Variants in CCSER1 observed in about 807,000 individuals in gnomAD.
CCSER1 encodes the protein serine-rich coiled-coil domain-containing protein 1.
In CCSER1, 41 loss-of-function variants were observed where a neutral mutation model predicts 82.0. The observed-to-expected ratio is 0.50, with a 90% CI of 0.39 to 0.65. CCSER1 has a LOEUF of 0.65. Ranked by LOEUF, CCSER1 falls within the 30% of genes least tolerant of loss-of-function variation. The pLI, the probability that CCSER1 is intolerant of heterozygous loss-of-function variation, is 0.00. For missense variants in CCSER1, 1,119 were observed against 1,064.2 expected, an observed-to-expected ratio of 1.05 and a Z score of -0.72; for synonymous variants, 414 against 383.9, an observed-to-expected ratio of 1.08 and a Z score of -0.92.
Position 90,604,940 on chromosome 4 carries a change from T to TG in CCSER1, c.1725-23081dup, listed in dbSNP as rs564437709. Among the ~76,000 whole-genome samples, 8 of 152,296 alleles carry TG rather than the reference T, an allele frequency of 5.3e-5. No homozygotes were observed. The South Asian group carries it at 6.2e-4, about 12-fold the overall frequency. On this transcript the variant is annotated intron_variant, in intron 5 of 10. Coordinates refer to ENST00000509176, the MANE Select transcript of CCSER1 (RefSeq NM_001145065.2). ...AATGGACCAATCAGCAGGATGTGGA[T>TG]GGGGTCAGATAAGGGAATAAAAGCA...
At chr4:91,185,181 G>A (rs542786209) in intron 10 of CCSER1, among the ~76,000 whole-genome samples, 43 of 152,306 alleles carry the variant, frequency 2.8e-4, no homozygotes, top group African/African-American at 9.6e-4. Flanking sequence ...TACCCAATAA[G>A]CTGCTTTGCC....
intron 8 of CCSER1, among the ~76,000 whole-genome samples, chr4:90,832,860 T>G (rs1326112642): frequency 6.6e-6 from 1 of 152,192 alleles, no homozygotes; most frequent in Non-Finnish European, 1.5e-5. Flanking sequence ...TAAGCTTACT[T>G]TTGTAAAGAA....
intron 7 of CCSER1, among the ~76,000 whole-genome samples, chr4:90,794,551 T>G (rs1039207804): frequency 2.6e-5 from 4 of 152,192 alleles, no homozygotes; most frequent in African/African-American, 9.7e-5. Context: ...ACCATGCTGT[T>G]TTGGTTACTG....
Position 91,378,736 on chromosome 4 carries a change from C to T in CCSER1, c.2218-219836C>T, listed in dbSNP as rs763325131. On this transcript the variant is annotated intron_variant, in intron 10 of 10. Transcript: ENST00000509176. The stretch of plus-strand genomic sequence containing the variant: ...CTTCCTCTTTTCCTAGCTGAATACC[C>T]TTTAATTCTTTCTCCTGCCTTATTG... Among the ~76,000 whole-genome samples, 87 of 152,254 alleles carry T rather than the reference C, an allele frequency of 5.7e-4. 1 individual carries two copies. The highest frequency in any genetic ancestry group is 1.0e-3 in the Admixed American group (16 of 15,288).
rs144279784 is a variant in CCSER1, at chr4:91,263,933, A to T, written c.2217+177939A>T. 8.9e-4 allele frequency among the ~76,000 whole-genome samples: 136 copies of T among 152,110 alleles called. No homozygotes were observed. The South Asian group carries it at 0.014, about 16-fold the overall frequency. On this transcript the variant is annotated intron_variant, in intron 10 of 10. Transcript: ENST00000509176. ...ATGTGGTTTGTCAAAATAAAAAGAC[A>T]ACTTGAAGTTTCTTCCAAAACTACC...
At chr4:90,389,669 T>C (rs966003617) in intron 3 of CCSER1, among the ~76,000 whole-genome samples, 1 of 152,170 alleles carries the variant, frequency 6.6e-6, no homozygotes, top group African/African-American at 2.4e-5. Context: ...ATAGTTATAT[T>C]TCTCCAGACT....
At chr4:91,490,379 G>C (rs1758452003) in intron 10 of CCSER1, among the ~76,000 whole-genome samples, 1 of 152,120 alleles carries the variant, frequency 6.6e-6, no homozygotes, top group Non-Finnish European at 1.5e-5. Flanking sequence ...AGGAAACATG[G>C]TATATATACA....
intron 5 of CCSER1, among the ~76,000 whole-genome samples, chr4:90,481,991 C>T (rs566845328): frequency 3.2e-4 from 48 of 152,230 alleles, no homozygotes; most frequent in African/African-American, 1.0e-3. Flanking sequence ...GCTGTGAATC[C>T]ATCTGGTCCT....
At chr4:90,992,265 G>A (rs1737099666) in intron 9 of CCSER1, among the ~76,000 whole-genome samples, 1 of 151,868 alleles carries the variant, frequency 6.6e-6, no homozygotes, top group South Asian at 2.1e-4. Flanking sequence ...TGAATTTAAG[G>A]TTTACTAAAA....
At chr4:91,358,862 C>T (rs540693088) in intron 10 of CCSER1, among the ~76,000 whole-genome samples, 1 of 152,206 alleles carries the variant, frequency 6.6e-6, no homozygotes, top group East Asian at 1.9e-4. Flanking sequence ...TGGAGTCCCC[C>T]TCAGGGATGC....
intron 6 of CCSER1, among the ~76,000 whole-genome samples, chr4:90,669,828 A>G (rs1261952047): frequency 1.3e-5 from 2 of 152,144 alleles, no homozygotes; most frequent in South Asian, 2.1e-4. Context: ...TATAAGTTCA[A>G]TGAGAAAAAA....
At position 90,358,557 on chromosome 4, in the gene CCSER1, A is replaced by G. The variant is rs539306710; in HGVS notation, c.1510-41479A>G. Among the ~76,000 whole-genome samples the G allele has an allele frequency of 2.6e-5, 4 of 152,292 alleles. No individual in the cohort carries two copies. The East Asian group carries it at 7.7e-4, about 29-fold the overall frequency. On this transcript the variant is annotated intron_variant, in intron 3 of 10. Coordinates refer to ENST00000509176, the MANE Select transcript of CCSER1 (RefSeq NM_001145065.2). ...TTTGTGGACTTATATATTTAAAAGC[A>G]TATCTTAAATACATTTTATTAGGAG...
intron 10 of CCSER1, among the ~76,000 whole-genome samples, chr4:91,547,594 C>T (rs73838040): frequency 3.9e-5 from 6 of 152,150 alleles, no homozygotes; most frequent in Non-Finnish European, 8.8e-5. Flanking sequence ...TTCTTACAGA[C>T]AACATGTAGT....
At chr4:91,524,236 T>C (rs1316664114) in intron 10 of CCSER1, among the ~76,000 whole-genome samples, 1 of 152,230 alleles carries the variant, frequency 6.6e-6, no homozygotes, top group Non-Finnish European at 1.5e-5. Flanking sequence ...AGGCCCTTCA[T>C]TTTGTGACAT....
chr4:90,918,986 A>G (rs557574158), intron 8 of CCSER1, among the ~76,000 whole-genome samples: 7 of 151,542 alleles, frequency 4.6e-5, no homozygotes, highest in Admixed American at 4.0e-4. Context: ...TACGCTCCAA[A>G]ATGCATTGCT....
At chr4:90,454,617 T>A (rs1761938568) in intron 4 of CCSER1, among the ~76,000 whole-genome samples, 1 of 152,148 alleles carries the variant, frequency 6.6e-6, no homozygotes. Context: ...CCATTTATTA[T>A]CCTCCAATGA....
At chr4:90,596,478 A>G (rs1783359030) in intron 5 of CCSER1, among the ~76,000 whole-genome samples, 1 of 151,880 alleles carries the variant, frequency 6.6e-6, no homozygotes, top group South Asian at 2.1e-4. Context: ...TTATTTCTAT[A>G]TTGACTATAT....
intron 6 of CCSER1, among the ~76,000 whole-genome samples, chr4:90,645,078 G>A (rs1279555026): frequency 1.4e-5 from 2 of 142,916 alleles, no homozygotes; most frequent in Admixed American, 7.3e-5. Flanking sequence ...GTAAAACTCC[G>A]TCTAAAAAAA....
intron 1 of CCSER1, among the ~76,000 whole-genome samples, chr4:90,224,728 G>A (rs1742813305): frequency 1.3e-5 from 2 of 152,172 alleles, no homozygotes; most frequent in Admixed American, 6.5e-5. Context: ...ACTCAAAACA[G>A]ATTTTTTTGA....
Sources: gnomAD v4.1 joint callset for allele counts (sites outside exome capture counted in the v4.1 genomes callset) on GRCh38, gnomAD v4.1.1 for gene constraint, MANE v1.5 for transcripts, NCBI Gene and HGNC (gene_info 2026-07-23, HGNC 2026-07-21) for gene names.